Variants in TAOK1 observed in about 807,000 individuals in gnomAD.
TAOK1 encodes the protein serine/threonine-protein kinase TAO1.
Under a neutral mutation model 138.3 loss-of-function variants are expected in TAOK1, and 21 were observed. That is an observed-to-expected ratio of 0.15 (90% CI 0.11 to 0.22). The LOEUF is 0.22. Among genes scored for constraint, TAOK1 ranks in the 10% least tolerant of loss-of-function variants. TAOK1 has a pLI of 1.00. For synonymous variants in TAOK1, 361 were observed against 398.4 expected, an observed-to-expected ratio of 0.91 and a Z score of 1.12; for missense variants, 651 against 1,227.7, an observed-to-expected ratio of 0.53 and a Z score of 7.02.
At chr17:29,450,175 C>T (rs552765764) in intron 1 of TAOK1, among the ~76,000 whole-genome samples, 5 of 152,122 alleles carry the variant, frequency 3.3e-5, no homozygotes, top group African/African-American at 7.2e-5. Flanking sequence ...TAACCTCGAA[C>T]CTCTGGGCAC....
chr17:29,473,245 C>G (rs952485832), intron 3 of TAOK1, among the ~76,000 whole-genome samples: 4 of 152,154 alleles, frequency 2.6e-5, no homozygotes, highest in Non-Finnish European at 4.4e-5. Context: ...GTCAGCCTGT[C>G]CTTTGAAGCT....
At position 29,495,744 on chromosome 17, in the gene TAOK1, T is replaced by C; in HGVS notation, c.999+17T>C. On this transcript the variant is annotated intron_variant, in intron 11 of 19. Transcript: ENST00000261716. ...GAAGAAGAGGTAAGAGATAAAAAAA[T>C]GACTCCAATATTGAATTTTCACTTT... 20 of 1,570,804 alleles carry C rather than the reference T, an allele frequency of 1.3e-5. No individual in the cohort carries two copies. The highest frequency in any genetic ancestry group is 1.7e-5 in the Non-Finnish European group (20 of 1,157,188).
chr17:29,482,816 A>G (rs1366567343), intron 8 of TAOK1, among the ~76,000 whole-genome samples: 1 of 151,856 alleles, frequency 6.6e-6, no homozygotes, highest in African/African-American at 2.4e-5. Flanking sequence ...GCATCACTGT[A>G]GCAGGGTCTT....
chr17:29,510,904 A>G lies in TAOK1; in HGVS notation c.1616A>G (p.His539Arg). The change falls in exon 15 of 20, where the codon CAT becomes CGT. Residue 539 changes from histidine (H) to arginine (R), a missense_variant. His to Arg is a conservative substitution (Grantham distance 29). This residue lies in a region of TAOK1 where 258 missense variants were observed against 548.9 expected (regional missense o/e 0.47). Coordinates refer to ENST00000261716, the MANE Select transcript of TAOK1 (RefSeq NM_020791.4). ...MSNEEKKFQQ[H>R]IQAQQKKELN... The stretch of plus-strand genomic sequence containing the variant: ...AATGAAGAGAAAAAATTTCAGCAAC[A>G]TATTCAGGCCCAACAGAAGAAAGAA... 4 of 1,608,896 alleles carry G rather than the reference A, an allele frequency of 2.5e-6. No homozygotes were observed. Among genetic ancestry groups the G allele is most frequent in the East Asian group, 2.2e-5 (1 of 44,612 alleles).
chr17:29,492,745 T>A (rs1014031022), intron 10 of TAOK1, among the ~76,000 whole-genome samples: 1 of 151,962 alleles, frequency 6.6e-6, no homozygotes, highest in Non-Finnish European at 1.5e-5. Flanking sequence ...TGAGCCGAGA[T>A]TGCACCATTG....
At chr17:29,431,464 A>C (rs1206699819) in intron 1 of TAOK1, among the ~76,000 whole-genome samples, 3 of 151,874 alleles carry the variant, frequency 2.0e-5, no homozygotes, top group South Asian at 2.1e-4. Context: ...TTAAAAAAAA[A>C]CCTTAGGTTT....
At chr17:29,541,042 A>G (rs1246060112) in intron 19 of TAOK1, among the ~76,000 whole-genome samples, 1 of 151,336 alleles carries the variant, frequency 6.6e-6, no homozygotes, top group Non-Finnish European at 1.5e-5. Flanking sequence ...CCTTATAAAT[A>G]TCTTAACCCA....
At chr17:29,402,670 A>G (rs146157112) in intron 1 of TAOK1, among the ~76,000 whole-genome samples, 76 of 152,226 alleles carry the variant, frequency 5.0e-4, no homozygotes, top group Middle Eastern at 3.4e-3. Flanking sequence ...GGGGACATAT[A>G]TAGATTTGAT....
At chr17:29,447,970 T>C (rs2030135482) in intron 1 of TAOK1, among the ~76,000 whole-genome samples, 1 of 150,368 alleles carries the variant, frequency 6.7e-6, no homozygotes, top group African/African-American at 2.4e-5. Context: ...TTTTTTTTTT[T>C]TTTTTTTTAA....
rs2032352574 is a variant in TAOK1, at chr17:29,543,358, A to C, written c.*336A>C. 1 of 163,264 alleles carries C rather than the reference A, an allele frequency of 6.1e-6. No homozygotes were observed. 10.1% of individuals were successfully genotyped at this position (163,264 alleles called of 1,614,324 possible). On this transcript the variant is annotated 3_prime_UTR_variant, in exon 20 of 20. Coordinates refer to ENST00000261716, the MANE Select transcript of TAOK1 (RefSeq NM_020791.4). Reference sequence around the variant, plus strand: ...GGCTAGATAGGGGATTTTTCTGAACACTGCAAAAATAGAACGTAGCAAAAT... The same window carrying C: ...GGCTAGATAGGGGATTTTTCTGAACCCTGCAAAAATAGAACGTAGCAAAAT...
In TAOK1 at chr17:29,496,247, C is replaced by T. The variant is rs540619433; in HGVS notation, c.999+520C>T. ...TCCCGAGTAGCTGGGATTATAGGCG[C>T]GCACCACCACACCTGACTAATTTTT... is the stretch of plus-strand genomic sequence containing the variant. On this transcript the variant is annotated intron_variant, in intron 11 of 19. Transcript: ENST00000261716. 2.5e-3 allele frequency among the ~76,000 whole-genome samples: 374 copies of T among 151,848 alleles called. 3 individuals are homozygous for T. Among genetic ancestry groups the T allele is most frequent in the African/African-American group, 8.0e-3 (332 of 41,412 alleles).
intron 1 of TAOK1, among the ~76,000 whole-genome samples, chr17:29,421,039 T>C (rs1278805924): frequency 6.6e-6 from 1 of 152,094 alleles, no homozygotes; most frequent in Non-Finnish European, 1.5e-5. Context: ...AAGTGATTCT[T>C]CTGCCTCAGT....
At chr17:29,397,754 T>C (rs192038455) in intron 1 of TAOK1, among the ~76,000 whole-genome samples, 2 of 143,942 alleles carry the variant, frequency 1.4e-5, no homozygotes, top group Middle Eastern at 3.6e-3. Flanking sequence ...TATATACACG[T>C]ATGTATATAT....
At chr17:29,487,144 G>A (rs941756248) in intron 8 of TAOK1, among the ~76,000 whole-genome samples, 1 of 150,888 alleles carries the variant, frequency 6.6e-6, no homozygotes, top group African/African-American at 2.4e-5. Flanking sequence ...AGCTCAGGAG[G>A]CTGAGGTAGG....
At position 29,542,764 on chromosome 17, in the gene TAOK1, G is replaced by A. The variant is rs901891075; in HGVS notation, c.2748G>A (p.Gly916=). ...CTGGTTGGTCACACAACCCTACTGG[G>A]GGTCCAGGACCTCACTGGGGTCATC... The part of the protein sequence containing the change: ...GASGWSHNPT[G]GPGPHWGHPM... Residue 916 remains glycine, a synonymous_variant, in exon 20 of 20, where the codon GGG becomes GGA. Coordinates refer to ENST00000261716, the MANE Select transcript of TAOK1 (RefSeq NM_020791.4). 1.2e-6 allele frequency: 2 copies of A among 1,614,162 alleles called. No homozygotes were observed. The highest frequency in any genetic ancestry group is 1.7e-6 in the Non-Finnish European group (2 of 1,180,026).
At chr17:29,491,761 C>T (rs761562285) in intron 9 of TAOK1, 23 bp from the exon 10 acceptor site, 2 of 1,567,040 alleles carry the variant, frequency 1.3e-6, no homozygotes, top group Non-Finnish European at 1.8e-6. Flanking sequence ...AATGTGTTCA[C>T]TTGATACTTT....
At chr17:29,395,824 ATTTTTTTTT>A (rs1187461666) in intron 1 of TAOK1, among the ~76,000 whole-genome samples, 3 of 72,106 alleles carry the variant, frequency 4.2e-5, no homozygotes, top group Non-Finnish European at 7.2e-5. Flanking sequence ...CGTCTGGCTA[ATTTTTTTTT>A]TTTTTTTTTT....
intron 3 of TAOK1, among the ~76,000 whole-genome samples, chr17:29,473,290 A>G (rs965577307): frequency 6.6e-6 from 1 of 152,186 alleles, no homozygotes; most frequent in Non-Finnish European, 1.5e-5. Flanking sequence ...CTCTGTAGCC[A>G]TGAAAGTCCT....
chr17:29,535,643 C>G (rs1489753889), intron 19 of TAOK1, among the ~76,000 whole-genome samples: 3 of 151,636 alleles, frequency 2.0e-5, no homozygotes, highest in African/African-American at 7.3e-5. Context: ...CGCTTGAGCT[C>G]AGGAGTTCAA....
Sources: gnomAD v4.1 joint callset for allele counts (sites outside exome capture counted in the v4.1 genomes callset) on GRCh38, gnomAD v4.1.1 for gene constraint, gnomAD v4.1.1 regional missense constraint, MANE v1.5 for transcripts, NCBI Gene and HGNC (gene_info 2026-07-23, HGNC 2026-07-21) for gene names.